RGS6: variants seen among roughly 807,000 people sequenced by gnomAD.
The protein encoded by RGS6 is regulator of G protein signaling 6.
Under a neutral mutation model 78.5 loss-of-function variants are expected in RGS6, and 30 were observed. The observed-to-expected ratio is 0.38, with a 90% confidence interval of 0.29 to 0.52. RGS6 has a LOEUF of 0.52. Ranked by LOEUF, RGS6 falls within the 20% of genes least tolerant of loss-of-function variation. The pLI is 0.85. For synonymous variants in RGS6, 206 were observed against 206.0 expected (o/e 1.00, Z 0.00); for missense variants, 495 against 609.7 (o/e 0.81, Z 1.98).
intron 2 of RGS6, among the ~76,000 whole-genome samples, chr14:72,270,040 C>G (rs2059701989): frequency 6.6e-6 from 1 of 152,142 alleles, no homozygotes; most frequent in South Asian, 2.1e-4. Flanking sequence ...ACAACACATG[C>G]CAATAAAACT....
intron 2 of RGS6, among the ~76,000 whole-genome samples, chr14:72,020,648 G>T (rs953494901): frequency 6.6e-6 from 1 of 152,158 alleles, no homozygotes; most frequent in Non-Finnish European, 1.5e-5. Context: ...CAATAAGCAC[G>T]AATACTTACT....
At chr14:72,623,486 A>ATGTG in the RGS6 span, among the ~76,000 whole-genome samples, 1 of 151,620 alleles carries the variant, frequency 6.6e-6, no homozygotes, top group African/African-American at 2.4e-5. Flanking sequence ...CTGCATATAT[A>ATGTG]TGTGTGTGTG....
intron 14 of RGS6, among the ~76,000 whole-genome samples, 181 bp from the exon 15 acceptor site, chr14:72,518,170 C>G (rs555131368): frequency 6.6e-6 from 1 of 152,300 alleles, no homozygotes; most frequent in Admixed American, 6.5e-5. Context: ...TGTTCTGCAC[C>G]ATAGGAACAC....
At chr14:72,386,630 G>C (rs899680577) in intron 3 of RGS6, among the ~76,000 whole-genome samples, 3 of 152,132 alleles carry the variant, frequency 2.0e-5, no homozygotes, top group Non-Finnish European at 4.4e-5. Context: ...CCAAGGCAAG[G>C]GGCAGGAGCT....
At chr14:72,450,929 T>C (rs1040404918) in intron 3 of RGS6, among the ~76,000 whole-genome samples, 2 of 152,206 alleles carry the variant, frequency 1.3e-5, no homozygotes, top group African/African-American at 2.4e-5. Flanking sequence ...TATGACAGAT[T>C]TCCCTTTCTG....
intron 2 of RGS6, among the ~76,000 whole-genome samples, chr14:72,179,716 G>T (rs2097150288): frequency 7.1e-6 from 1 of 140,008 alleles, no homozygotes; most frequent in Admixed American, 8.0e-5. Context: ...GGTTATTTGT[G>T]AATTGAGTCA....
At chr14:71,998,681 T>C (rs1713968399) in intron 2 of RGS6, among the ~76,000 whole-genome samples, 1 of 152,202 alleles carries the variant, frequency 6.6e-6, no homozygotes, top group Non-Finnish European at 1.5e-5. Context: ...CTTGAGTACA[T>C]TTAATTAGTG....
At chr14:72,478,429 G>A in intron 12 of RGS6, 100 bp downstream of exon 12, 1 of 857,760 alleles carries the variant, frequency 1.2e-6, no homozygotes, top group South Asian at 1.5e-5. Context: ...CCAAGAGTTA[G>A]ACTGTAGTTA....
At chr14:72,504,863 C>A (rs2096777239) in intron 13 of RGS6, among the ~76,000 whole-genome samples, 1 of 151,706 alleles carries the variant, frequency 6.6e-6, no homozygotes, top group Non-Finnish European at 1.5e-5. Flanking sequence ...AAGCAATTCT[C>A]CTTCCTGAGC....
At chr14:72,059,945 T>G (rs544126536) in intron 2 of RGS6, among the ~76,000 whole-genome samples, 26 of 152,294 alleles carry the variant, frequency 1.7e-4, no homozygotes, top group South Asian at 1.5e-3. Flanking sequence ...GTAGCTGGGC[T>G]TGAACAGACT....
At chr14:72,320,475 G>A (rs1209026891) in intron 2 of RGS6, among the ~76,000 whole-genome samples, 3 of 152,080 alleles carry the variant, frequency 2.0e-5, no homozygotes, top group Non-Finnish European at 2.9e-5. Flanking sequence ...CTACTTGGGA[G>A]GCTGAGGCAG....
At chr14:72,359,181 C>T (rs1165938246) in intron 3 of RGS6, among the ~76,000 whole-genome samples, 1 of 152,126 alleles carries the variant, frequency 6.6e-6, no homozygotes, top group Non-Finnish European at 1.5e-5. Context: ...CTTTATTTCC[C>T]AGTTTCATGT....
chr14:72,019,415 A>G (rs189180787), intron 2 of RGS6, among the ~76,000 whole-genome samples: 1 of 152,294 alleles, frequency 6.6e-6, no homozygotes, highest in East Asian at 1.9e-4. Context: ...AATTTTTTTC[A>G]TGGATTTAAG....
intron 3 of RGS6, among the ~76,000 whole-genome samples, chr14:72,375,436 C>G (rs2084449862): frequency 6.6e-6 from 1 of 152,174 alleles, no homozygotes; most frequent in Non-Finnish European, 1.5e-5. Context: ...AGAAACAGCA[C>G]CATGGGCCAC....
At chr14:72,470,646 G>A (rs1338445724) in intron 8 of RGS6, among the ~76,000 whole-genome samples, 1 of 96,176 alleles carries the variant, frequency 1.0e-5, no homozygotes, top group African/African-American at 3.1e-5. Context: ...GTGAGACCGA[G>A]GTGGGGGTGG....
chr14:71,979,587 T>C (rs1191707093), intron 2 of RGS6, among the ~76,000 whole-genome samples: 1 of 152,140 alleles, frequency 6.6e-6, no homozygotes, highest in Non-Finnish European at 1.5e-5. Context: ...AGTGAGATTC[T>C]TAATCCTGAG....
intron 2 of RGS6, among the ~76,000 whole-genome samples, chr14:72,137,448 G>A (rs113167034): frequency 5.9e-5 from 9 of 152,186 alleles, no homozygotes; most frequent in African/African-American, 2.2e-4. Flanking sequence ...CAGGTAAAGG[G>A]CTCAGCCCCA....
intron 2 of RGS6, among the ~76,000 whole-genome samples, chr14:72,047,876 C>G (rs989277750): frequency 6.7e-6 from 1 of 148,630 alleles, no homozygotes; most frequent in Non-Finnish European, 1.5e-5. Flanking sequence ...CAGGCATGTG[C>G]CACTATGCCC....
At chr14:72,489,608 C>T (rs2096549314) in intron 12 of RGS6, among the ~76,000 whole-genome samples, 1 of 152,064 alleles carries the variant, frequency 6.6e-6, no homozygotes. Context: ...GAGCGGATGA[C>T]ACAGGCACAG....
Sources: gnomAD v4.1 joint callset for allele counts (sites outside exome capture counted in the v4.1 genomes callset) on GRCh38, gnomAD v4.1.1 for gene constraint, MANE v1.5 for transcripts, NCBI Gene and HGNC (gene_info 2026-07-23, HGNC 2026-07-21) for gene names.